The following ABCA13 variants were observed in gnomAD, a reference collection of about 807,000 sequenced individuals.
The protein encoded by ABCA13 is ATP binding cassette subfamily A member 13, also known as ATP-binding cassette sub-family A member 13.
In ABCA13, 476 loss-of-function variants were observed where a neutral mutation model predicts 478.7. The observed-to-expected ratio is 0.99, with a 90% CI of 0.92 to 1.07. The LOEUF (loss-of-function observed/expected upper bound fraction) is 1.07, where lower values mean the gene tolerates loss of function less well. Ranked by LOEUF, ABCA13 falls within the 50% of genes least tolerant of loss-of-function variation. ABCA13 has a pLI of 0.00. For missense variants in ABCA13, 6,060 were observed against 5,910.6 expected, an observed-to-expected ratio of 1.03 and a Z score of -0.83; for synonymous variants, 2,252 against 2,158.9, an observed-to-expected ratio of 1.04 and a Z score of -1.20.
chr7:48,369,739 C>T (rs546523805), intron 32 of ABCA13, among the ~76,000 whole-genome samples: 1 of 152,186 alleles, frequency 6.6e-6, no homozygotes. Flanking sequence ...TTATTCTGTT[C>T]GATTGGTCTA....
intron 8 of ABCA13, among the ~76,000 whole-genome samples, chr7:48,235,637 C>G (rs1789835707): frequency 6.6e-6 from 1 of 152,202 alleles, no homozygotes; most frequent in Non-Finnish European, 1.5e-5. Context: ...GTCTGCAGGG[C>G]TGCAATCCTT....
chr7:48,211,814 A>T (rs1785697379), intron 3 of ABCA13, among the ~76,000 whole-genome samples: 1 of 151,950 alleles, frequency 6.6e-6, no homozygotes, highest in Non-Finnish European at 1.5e-5. Context: ...ACTTTATTTT[A>T]CAGTGGCTGA....
At chr7:48,341,914 CTCATATATATATACTCATATATATATAT>C (rs1445374659) in intron 29 of ABCA13, among the ~76,000 whole-genome samples, 2 of 37,302 alleles carry the variant, frequency 5.4e-5, no homozygotes, top group Non-Finnish European at 1.2e-4. Context: ...TATATATATA[CTCATATATATATACTCATATATATATAT>C]TCATATATAT....
chr7:48,585,090 A>G (rs181787606), intron 56 of ABCA13, among the ~76,000 whole-genome samples: 10 of 152,186 alleles, frequency 6.6e-5, no homozygotes, highest in East Asian at 3.9e-4. Flanking sequence ...ACGAAGCTAC[A>G]TGACTACTTC....
chr7:48,589,857 A>T (rs1345848814), intron 57 of ABCA13, among the ~76,000 whole-genome samples: 3 of 152,324 alleles, frequency 2.0e-5, no homozygotes, highest in African/African-American at 7.2e-5. Flanking sequence ...AAAGAGGTGA[A>T]TGTCCTTCAT....
chr7:48,412,403 C>G lies in ABCA13; in HGVS notation c.12279C>G (p.Ser4093=). The part of the protein sequence containing the change: ...HDLKDMACVT[S]LIKIYIPQAF... ...TGAAAGACATGGCTTGTGTTACATC[C>G]CTGATAAAGATCTATATTCCACAAG... Residue 4093 remains serine (S), a synonymous_variant, in exon 41 of 62, where the codon TCC becomes TCG. Transcript: ENST00000435803. 1 of 1,613,424 alleles carries G rather than the reference C, an allele frequency of 6.2e-7. No individual in the cohort carries two copies.
chr7:48,173,640 CA>C (rs1179795198), intron 1 of ABCA13, among the ~76,000 whole-genome samples: 1 of 152,226 alleles, frequency 6.6e-6, no homozygotes, highest in Non-Finnish European at 1.5e-5. Flanking sequence ...TTCATTATAG[CA>C]ATGCCTAGAA....
At chr7:48,374,760 CA>C (rs1236099387) in intron 34 of ABCA13, among the ~76,000 whole-genome samples, 1 of 152,148 alleles carries the variant, frequency 6.6e-6, no homozygotes, top group Non-Finnish European at 1.5e-5. Flanking sequence ...TCTGTTAGAT[CA>C]GGGGTCCCCA....
At chr7:48,595,854 C>A (rs1790232815) in intron 58 of ABCA13, among the ~76,000 whole-genome samples, 1 of 152,116 alleles carries the variant, frequency 6.6e-6, no homozygotes, top group African/African-American at 2.4e-5. Flanking sequence ...GCCTTATATT[C>A]TTGGAATTCA....
Position 48,272,344 on chromosome 7 carries a change from G to A in ABCA13, c.2678G>A (p.Arg893His), listed in dbSNP as rs184373773. ...KSPAMNIDFV[R>H]LSEAIITSLH... The stretch of plus-strand genomic sequence containing the variant: ...CCAGCTATGAACATAGATTTTGTAC[G>A]TTTAAGTGAGGCTATAATAACTAGT... The change falls in exon 17 of 62, where the codon CGT (arginine) becomes CAT (histidine). Residue 893 changes from arginine (R) to histidine (H), a missense_variant. Around this residue, in one of 3 missense-constraint regions of ABCA13, gnomAD observed 4,423 missense variants for 4,309.1 expected, o/e 1.03. Transcript: ENST00000435803. The A allele has an allele frequency of 1.7e-4, 268 of 1,613,676 alleles. No individual in the cohort carries two copies. The African/African-American group carries it at 2.5e-3, about 15-fold the overall frequency.
intron 56 of ABCA13, among the ~76,000 whole-genome samples, chr7:48,586,095 G>A (rs1440953144): frequency 6.6e-6 from 1 of 152,254 alleles, no homozygotes; most frequent in South Asian, 2.1e-4. Flanking sequence ...GGGCCTTCTA[G>A]GATGTGGGAC....
In ABCA13 at chr7:48,227,391, G is replaced by C; in HGVS notation, c.598G>C (p.Asp200His). The C allele has an allele frequency of 6.2e-7, 1 of 1,613,992 alleles. No homozygotes were observed. The highest frequency in any genetic ancestry group is 8.5e-7 in the Non-Finnish European group (1 of 1,179,902). ...TSHDHVEDGM[D>H]VAVNLLQTIL... ...CCATGATCATGTGGAAGATGGCATG[G>C]ATGTTGCAGTGAACCTTCTCCAGAC... is the stretch of plus-strand genomic sequence containing the variant. Residue 200 changes from aspartate to histidine, a missense_variant, in exon 6 of 62, where the codon GAT becomes CAT. By Grantham distance (81) the Asp-to-His change is moderately conservative. Coordinates refer to ENST00000435803, the MANE Select transcript of ABCA13 (RefSeq NM_152701.5).
chr7:48,639,393 G>T (rs1455622546), intron 59 of ABCA13, among the ~76,000 whole-genome samples: 1 of 152,186 alleles, frequency 6.6e-6, no homozygotes, highest in Admixed American at 6.5e-5. Context: ...ATGAGGAGTG[G>T]GGTGTGGTGT....
At position 48,211,795 on chromosome 7, in the gene ABCA13, C is replaced by G. The variant is rs150552719; in HGVS notation, c.288-7559C>G. 3.2e-3 allele frequency among the ~76,000 whole-genome samples: 485 copies of G among 152,124 alleles called. 3 individuals are homozygous for G. The highest frequency in any genetic ancestry group is 5.1e-3 in the Non-Finnish European group (344 of 68,004). ...GCCTGGAATCAGGGGCTTCAGAAAT[C>G]TGCCTGGTACTTTATTTTACAGTGG... is the stretch of plus-strand genomic sequence containing the variant. On this transcript the variant is annotated intron_variant, in intron 3 of 61. Coordinates refer to ENST00000435803, the MANE Select transcript of ABCA13 (RefSeq NM_152701.5).
intron 42 of ABCA13, among the ~76,000 whole-genome samples, chr7:48,429,829 T>C (rs1821901260): frequency 6.6e-6 from 1 of 152,238 alleles, no homozygotes. Context: ...ATTTGTTTTT[T>C]GTTTATTTAT....
At chr7:48,538,656 A>C (rs1833758144) in intron 55 of ABCA13, among the ~76,000 whole-genome samples, 1 of 152,172 alleles carries the variant, frequency 6.6e-6, no homozygotes, top group Non-Finnish European at 1.5e-5. Context: ...GCAATCTTGT[A>C]AACAAAACTC....
At chr7:48,356,979 C>T (rs1209197384) in intron 31 of ABCA13, among the ~76,000 whole-genome samples, 1 of 151,796 alleles carries the variant, frequency 6.6e-6, no homozygotes, top group Non-Finnish European at 1.5e-5. Context: ...CTGTTATTTC[C>T]TCTATTGCTT....
At chr7:48,321,295 G>A (rs536976617) in intron 27 of ABCA13, among the ~76,000 whole-genome samples, 40 of 152,320 alleles carry the variant, frequency 2.6e-4, no homozygotes, top group African/African-American at 8.9e-4. Flanking sequence ...TGGTGCTGAG[G>A]TTGAGAAACC....
Position 48,245,905 on chromosome 7 carries a change from GAGA to G in ABCA13, c.1537_1539del (p.Lys513del), listed in dbSNP as rs774384967. ...TGTCTGCCCGAATGGTCGTTTCTCT[GAGA>G]AGGAGGTCTTTTTGCCGCCTGGAAA... is the stretch of plus-strand genomic sequence containing the variant. On this transcript the variant is annotated inframe_deletion, in exon 13 of 62. Coordinates refer to ENST00000435803, the MANE Select transcript of ABCA13 (RefSeq NM_152701.5). The G allele has an allele frequency of 1.2e-6, 2 of 1,613,594 alleles. No homozygotes were observed. Among genetic ancestry groups the G allele is most frequent in the South Asian group, 1.1e-5 (1 of 91,014 alleles).
Sources: allele counts gnomAD v4.1 joint callset (sites outside exome capture counted in the v4.1 genomes callset), GRCh38; gene constraint gnomAD v4.1.1; regional missense constraint gnomAD v4.1.1; transcripts MANE v1.5; gene names NCBI Gene and HGNC (gene_info 2026-07-23, HGNC 2026-07-21).